Variants in ZNF367 observed in about 807,000 individuals in gnomAD.
ZNF367 encodes the protein zinc finger protein 367.
Under a neutral mutation model 31.8 loss-of-function variants are expected in ZNF367, and 11 were observed. That is an observed-to-expected ratio of 0.35 (90% CI 0.22 to 0.57). ZNF367 has a LOEUF of 0.57. Ranked by LOEUF, ZNF367 falls within the 20% of genes least tolerant of loss-of-function variation. ZNF367 has a pLI of 0.85. For synonymous variants in ZNF367, 199 were observed against 202.4 expected (o/e 0.98, Z 0.14); for missense variants, 353 against 484.1 (o/e 0.73, Z 2.54).
intron 4 of ZNF367, among the ~76,000 whole-genome samples, chr9:96,391,865 G>A (rs1001101485): frequency 6.6e-5 from 10 of 152,186 alleles, no homozygotes; most frequent in African/African-American, 2.2e-4. Context: ...TGCAACCTCC[G>A]TCTCCCAGGC....
intron 1 of ZNF367, among the ~76,000 whole-genome samples, chr9:96,412,942 T>C (rs532085107): frequency 2.0e-5 from 3 of 152,236 alleles, no homozygotes; most frequent in African/African-American, 7.2e-5. Context: ...AAGTGATCCA[T>C]CCACCTTGGC....
chr9:96,417,760 G>GGCGGCGGCCCCC lies in ZNF367; in HGVS notation c.261_272dup (p.Gly88_Ala91dup). 1 of 1,237,280 alleles carries GGCGGCGGCCCCC rather than the reference G, an allele frequency of 8.1e-7. No individual in the cohort carries two copies. The allele number at this position is 1,237,280 out of a possible 1,614,324, so 76.6% of individuals were successfully genotyped here. On this transcript the variant is annotated inframe_insertion, in exon 1 of 5. Transcript: ENST00000375256. The surrounding 1 kb of genome is among the most constrained non-coding windows in gnomAD (Gnocchi z 5.0). The stretch of plus-strand genomic sequence containing the variant: ...CTGCGGCTGCAGGCAGGGCGGCCGA[G>GGCGGCGGCCCCC]GCGGCGGCCCCCGCGGCCCCAGGGC...
At chr9:96,412,693 T>TTTTC (rs1831766243) in intron 1 of ZNF367, among the ~76,000 whole-genome samples, 1 of 136,394 alleles carries the variant, frequency 7.3e-6, no homozygotes, top group Non-Finnish European at 1.6e-5. Flanking sequence ...TTTCTTTTTC[T>TTTTC]TTTCTTTTTT....
rs925870973 is a variant in ZNF367 at position 96,387,579 on chromosome 9, G to A, written c.*658C>T. ...TTTTCAAACTTAAACATTATACTGA[G>A]TTGTAAAGCCCCAGATAGAATAAGA... On this transcript the variant is annotated 3_prime_UTR_variant, in exon 5 of 5. Transcript: ENST00000375256. The A allele has an allele frequency of 1.3e-5, 2 of 152,130 alleles. No homozygotes were observed. Among genetic ancestry groups the A allele is most frequent in the Admixed American group, 1.3e-4 (2 of 15,270 alleles). The allele number at this position is 152,130 out of a possible 1,614,324, so 9.4% of individuals were successfully genotyped here.
intron 1 of ZNF367, among the ~76,000 whole-genome samples, chr9:96,401,604 C>T (rs1221445608): frequency 1.3e-5 from 2 of 148,902 alleles, no homozygotes; most frequent in Non-Finnish European, 3.0e-5. Flanking sequence ...TTGCGGTGAG[C>T]CAAGATCGCA....
intron 1 of ZNF367, among the ~76,000 whole-genome samples, chr9:96,410,598 A>G (rs1831734718): frequency 7.8e-6 from 1 of 127,664 alleles, no homozygotes; most frequent in Non-Finnish European, 1.7e-5. Flanking sequence ...ACCATAGACC[A>G]GGCACGGTGG....
At chr9:96,416,064 CTG>C (rs1831823877) in intron 1 of ZNF367, among the ~76,000 whole-genome samples, 1 of 148,396 alleles carries the variant, frequency 6.7e-6, no homozygotes, top group African/African-American at 2.5e-5. Flanking sequence ...TCACCAGGCT[CTG>C]TTATGGTTTT....
intron 2 of ZNF367, among the ~76,000 whole-genome samples, chr9:96,397,239 C>A (rs991139163): frequency 6.6e-6 from 1 of 151,800 alleles, no homozygotes; most frequent in African/African-American, 2.4e-5. Context: ...AGTTTCCTCA[C>A]CTGTAAACTA....
chr9:96,416,193 TCTC>T (rs1831828671), intron 1 of ZNF367, among the ~76,000 whole-genome samples: 1 of 150,902 alleles, frequency 6.6e-6, no homozygotes, highest in Non-Finnish European at 1.5e-5. Flanking sequence ...TTCACGCCAT[TCTC>T]CTACCTCAGC....
intron 1 of ZNF367, among the ~76,000 whole-genome samples, chr9:96,410,652 G>C (rs1318786607): frequency 4.0e-5 from 6 of 150,808 alleles, no homozygotes; most frequent in Non-Finnish European, 8.8e-5. Flanking sequence ...GAGGTGGGTG[G>C]ATCACAAGGT....
At position 96,417,757 on chromosome 9, in the gene ZNF367, C is replaced by T; in HGVS notation, c.276G>A (p.Ser92=). The T allele has an allele frequency of 8.1e-7, 1 of 1,235,824 alleles. No homozygotes were observed. The highest frequency in any genetic ancestry group is 3.9e-5 in the South Asian group (1 of 25,672). The allele number at this position is 1,235,824 out of a possible 1,614,324, so 76.6% of individuals were successfully genotyped here. A position where few individuals can be genotyped will look rare whatever the true frequency, so the allele number is the denominator to read the frequency against. ...CGGCTGCGGCTGCAGGCAGGGCGGC[C>T]GAGGCGGCGGCCCCCGCGGCCCCAG... ...LSPGAAGAAA[S]AALPAAAAAE... The change falls in exon 1 of 5, where the codon TCG becomes TCA. Residue 92 remains serine (S), a synonymous_variant. Transcript: ENST00000375256. This position sits in a 1 kb window ranked among gnomAD's most constrained non-coding sequence, Gnocchi z 5.0.
At chr9:96,389,829 A>C (rs552918910) in intron 4 of ZNF367, among the ~76,000 whole-genome samples, 1 of 151,940 alleles carries the variant, frequency 6.6e-6, no homozygotes, top group South Asian at 2.1e-4. Flanking sequence ...TCCTGGGTTC[A>C]AACTATTCTC....
At chr9:96,400,664 AAAG>A (rs1831591555) in intron 1 of ZNF367, among the ~76,000 whole-genome samples, 1 of 152,164 alleles carries the variant, frequency 6.6e-6, no homozygotes, top group African/African-American at 2.4e-5. Flanking sequence ...CAGAAAGAAA[AAAG>A]AAGGAAGGGA....
intron 1 of ZNF367, among the ~76,000 whole-genome samples, chr9:96,409,552 C>G (rs983826791): frequency 6.6e-5 from 10 of 152,228 alleles, no homozygotes; most frequent in Non-Finnish European, 1.3e-4. Context: ...AAACAAAAAG[C>G]TCATCAACCT....
At chr9:96,391,868 T>A (rs1305887542) in intron 4 of ZNF367, among the ~76,000 whole-genome samples, 1 of 152,158 alleles carries the variant, frequency 6.6e-6, no homozygotes, top group Non-Finnish European at 1.5e-5. Flanking sequence ...AACCTCCGTC[T>A]CCCAGGCTCA....
chr9:96,403,213 C>A (rs1190505115), intron 1 of ZNF367, among the ~76,000 whole-genome samples: 3 of 152,154 alleles, frequency 2.0e-5, no homozygotes, highest in Non-Finnish European at 4.4e-5. Context: ...CGTGATCCAC[C>A]CGCCTTGGCC....
In ZNF367 at chr9:96,392,425, T is replaced by C. The variant is rs200520414; in HGVS notation, c.803A>G (p.Asn268Ser). The change falls in exon 4 of 5, where the codon AAC becomes AGC. Residue 268 changes from asparagine (N) to serine (S), a missense_variant. This residue lies in a region of ZNF367 where 101 missense variants were observed against 140.0 expected (regional missense o/e 0.72). Coordinates refer to ENST00000375256, the MANE Select transcript of ZNF367 (RefSeq NM_153695.4). The part of the protein sequence containing the change: ...DTLSKHQAAD[N>S]KAAAEWLARY... ...CGCCAGCCACTCGGCCGCGGCCTTG[T>C]TGTCGGCAGCCTGATGTTTGCTGAG... 7.7e-5 allele frequency: 125 copies of C among 1,614,120 alleles called. No individual in the cohort carries two copies. Among genetic ancestry groups the C allele is most frequent in the Non-Finnish European group, 8.9e-5 (105 of 1,180,046 alleles).
chr9:96,414,449 A>G (rs898673624), intron 1 of ZNF367, among the ~76,000 whole-genome samples: 1 of 152,224 alleles, frequency 6.6e-6, no homozygotes, highest in East Asian at 1.9e-4. Context: ...GGTGTACAGC[A>G]TGGAAATACA....
intron 1 of ZNF367, among the ~76,000 whole-genome samples, chr9:96,406,320 A>T (rs1359899230): frequency 6.6e-6 from 1 of 152,260 alleles, no homozygotes; most frequent in Non-Finnish European, 1.5e-5. Flanking sequence ...ACCTTGAAGG[A>T]TAGTAATAAG....
Sources: allele counts gnomAD v4.1 joint callset (sites outside exome capture counted in the v4.1 genomes callset), GRCh38; gene constraint gnomAD v4.1.1; regional missense constraint gnomAD v4.1.1; non-coding constraint Gnocchi (gnomAD v3.1); transcripts MANE v1.5; gene names NCBI Gene and HGNC (gene_info 2026-07-23, HGNC 2026-07-21).